Variants in TUBGCP3 observed in about 807,000 individuals in gnomAD.
The protein encoded by TUBGCP3 is tubulin gamma complex component 3, also known as gamma-tubulin complex component 3.
TUBGCP3 carries 50 observed loss-of-function variants against 123.1 expected under a neutral mutation model. That is an observed-to-expected ratio of 0.41 (90% CI 0.32 to 0.51). The LOEUF (loss-of-function observed/expected upper bound fraction) is 0.51, where lower values mean the gene tolerates loss of function less well. Among genes scored for constraint, TUBGCP3 ranks in the 20% least tolerant of loss-of-function variants. The pLI, the probability that TUBGCP3 is intolerant of heterozygous loss-of-function variation, is 0.36. For synonymous variants in TUBGCP3, 405 were observed against 413.9 expected, an observed-to-expected ratio of 0.98 and a Z score of 0.26; for missense variants, 882 against 1,127.0, an observed-to-expected ratio of 0.78 and a Z score of 3.11.
At position 112,516,487 on chromosome 13, in the gene TUBGCP3, AT is replaced by A; in HGVS notation, c.2038del (p.Ile680TyrfsTer12). 2 of 1,613,562 alleles carry A rather than the reference AT, an allele frequency of 1.2e-6. No homozygotes were observed. The highest frequency in any genetic ancestry group is 1.7e-6 in the Non-Finnish European group (2 of 1,179,880). On this transcript the variant is annotated frameshift_variant, in exon 17 of 22. Transcript: ENST00000261965. LOFTEE classifies it high-confidence loss of function. Reference sequence around the variant, plus strand: ...TGCATTGCACATGTGTCCCTTCCGTATGTCAGTGAGGATGTATTCCATCCGC... The same window carrying A: ...TGCATTGCACATGTGTCCCTTCCGTAGTCAGTGAGGATGTATTCCATCCGC... ...AKRMEYILTD[I>X]RKGHMCNAKL... is the part of the protein sequence containing the mutation.
At chr13:112,587,046 T>C (rs1882657655) in intron 1 of TUBGCP3, among the ~76,000 whole-genome samples, 1 of 152,198 alleles carries the variant, frequency 6.6e-6, no homozygotes, top group African/African-American at 2.4e-5. Context: ...CTTCAAAAAT[T>C]GAGTAACTTC....
intron 17 of TUBGCP3, among the ~76,000 whole-genome samples, chr13:112,507,103 G>A (rs540169053): frequency 1.3e-5 from 2 of 152,346 alleles, no homozygotes; most frequent in African/African-American, 2.4e-5. Context: ...ATATGAAATA[G>A]TTTAGAAACC....
chr13:112,567,562 T>G (rs1344922258), intron 2 of TUBGCP3, among the ~76,000 whole-genome samples: 1 of 152,220 alleles, frequency 6.6e-6, no homozygotes, highest in Non-Finnish European at 1.5e-5. Context: ...ATTTTTAGTA[T>G]GTTAACAGCA....
intron 11 of TUBGCP3, among the ~76,000 whole-genome samples, chr13:112,543,250 T>G (rs1283010320): frequency 2.0e-5 from 3 of 152,186 alleles, no homozygotes; most frequent in African/African-American, 7.2e-5. Context: ...GAAAGTTTAC[T>G]AGTGATTTTA....
At chr13:112,526,435 C>A (rs1399559137) in intron 13 of TUBGCP3, among the ~76,000 whole-genome samples, 1 of 130,228 alleles carries the variant, frequency 7.7e-6, no homozygotes, top group African/African-American at 2.9e-5. Flanking sequence ...CGCTACCACG[C>A]CATCATCACC....
chr13:112,485,682 ATATAAAT>A lies in TUBGCP3; in HGVS notation c.*304_*310del. ...AGAAATGGATTTTTTAAAGTGACAA[ATATAAAT>A]TATAACATAGAAAGCTTAAGAAGCC... On this transcript the variant is annotated 3_prime_UTR_variant, in exon 22 of 22. Coordinates refer to ENST00000261965, the MANE Select transcript of TUBGCP3 (RefSeq NM_006322.6). 1 of 296,386 alleles carries A rather than the reference ATATAAAT, an allele frequency of 3.4e-6. No individual in the cohort carries two copies. 18.4% of individuals were successfully genotyped at this position (296,386 alleles called of 1,614,324 possible).
intron 1 of TUBGCP3, among the ~76,000 whole-genome samples, chr13:112,569,806 G>A (rs1232695262): frequency 6.6e-6 from 1 of 152,138 alleles, no homozygotes; most frequent in Non-Finnish European, 1.5e-5. Context: ...AGAAAACAAG[G>A]CAGAAAGGAA....
At chr13:112,581,944 CT>C (rs1882303834) in intron 1 of TUBGCP3, among the ~76,000 whole-genome samples, 1 of 152,214 alleles carries the variant, frequency 6.6e-6, no homozygotes. Context: ...CCACTTACCT[CT>C]TCAGCCACAC....
At chr13:112,492,697 G>C (rs1880184167) in intron 20 of TUBGCP3, among the ~76,000 whole-genome samples, 1 of 151,012 alleles carries the variant, frequency 6.6e-6, no homozygotes, top group Admixed American at 6.6e-5. Flanking sequence ...GTATGCCTGA[G>C]ACACCCTGGC....
At chr13:112,561,371 A>G (rs1482007100) in intron 3 of TUBGCP3, among the ~76,000 whole-genome samples, 1 of 152,178 alleles carries the variant, frequency 6.6e-6, no homozygotes, top group Non-Finnish European at 1.5e-5. Context: ...CATCGTCACA[A>G]CCACACTATG....
chr13:112,493,582 TA>T, intron 20 of TUBGCP3, among the ~76,000 whole-genome samples: 1 of 150,302 alleles, frequency 6.7e-6, no homozygotes, highest in Admixed American at 6.6e-5. Context: ...GCTCTAGCTA[TA>T]GGAACATGGC....
chr13:112,594,666 T>C, the TUBGCP3 span, among the ~76,000 whole-genome samples: 3 of 152,220 alleles, frequency 2.0e-5, no homozygotes, highest in African/African-American at 4.8e-5. Flanking sequence ...AGGTTATTGT[T>C]TGAGACTTTT....
chr13:112,554,212 A>G (rs1196528602), intron 7 of TUBGCP3, 30 bp from the exon 8 acceptor site: 1 of 1,610,790 alleles, frequency 6.2e-7, no homozygotes, highest in Admixed American at 1.7e-5. Context: ...AATGTTAAAC[A>G]TTAAAAAGCA....
chr13:112,589,937 T>G (rs912253652), upstream of TUBGCP3, among the ~76,000 whole-genome samples: 1 of 152,098 alleles, frequency 6.6e-6, no homozygotes, highest in African/African-American at 2.4e-5. Flanking sequence ...GAGACTGATG[T>G]ACGGTTTGAC....
At chr13:112,556,635 G>A (rs1004119664) in intron 5 of TUBGCP3, among the ~76,000 whole-genome samples, 2 of 152,094 alleles carry the variant, frequency 1.3e-5, no homozygotes, top group South Asian at 2.1e-4. Context: ...CCCATGTACT[G>A]AGCAGAGGAA....
chr13:112,486,126 A>T lies in TUBGCP3; in HGVS notation c.2591T>A (p.Leu864Ter). The change falls in exon 22 of 22, where the codon TTA (leucine) becomes TAA (stop). Residue 864 changes from leucine (L) to a stop codon, truncating the protein, a stop_gained. Coordinates refer to ENST00000261965, the MANE Select transcript of TUBGCP3 (RefSeq NM_006322.6). LOFTEE classifies it high-confidence loss of function. ...YQGIVQQFLV[L>*]LTTSSDESLR... ...ACTCTCGTCAGAGCTGGTCGTCAGT[A>T]ACACCAAAAACTGCTGCACGATACC... 6.2e-7 allele frequency: 1 copy of T among 1,608,690 alleles called. No homozygotes were observed.
intron 18 of TUBGCP3, 124 bp downstream of exon 18, chr13:112,504,502 A>G (rs902637232): frequency 8.9e-6 from 6 of 676,782 alleles, no homozygotes; most frequent in South Asian, 6.8e-5. Context: ...AAAAAAAAAG[A>G]AAAAATTATG....
At chr13:112,587,865 G>C (rs765083550) in intron 1 of TUBGCP3, 40 bp downstream of exon 1, 1 of 1,551,892 alleles carries the variant, frequency 6.4e-7, no homozygotes, top group Non-Finnish European at 8.7e-7. Context: ...AGCAGCCCCC[G>C]GGACGGGTCT....
chr13:112,494,066 A>G (rs1303220225), intron 20 of TUBGCP3, among the ~76,000 whole-genome samples: 9 of 118,318 alleles, frequency 7.6e-5, no homozygotes, highest in African/African-American at 1.3e-4. Flanking sequence ...TCCCTGAGAC[A>G]CTCTAGCTAT....
Sources: allele counts gnomAD v4.1 joint callset (sites outside exome capture counted in the v4.1 genomes callset), GRCh38; gene constraint gnomAD v4.1.1; transcripts MANE v1.5; gene names NCBI Gene and HGNC (gene_info 2026-07-23, HGNC 2026-07-21).